The following CYB5R4 variants were observed in gnomAD, a reference collection of about 807,000 sequenced individuals.
The protein encoded by CYB5R4 is cytochrome b5 reductase 4, also known as N-terminal cytochrome b5 and cytochrome b5 oxidoreductase domain-containing protein.
Under a neutral mutation model 70.2 loss-of-function variants are expected in CYB5R4, and 55 were observed. The observed-to-expected ratio is 0.78, with a 90% CI of 0.63 to 0.98. The LOEUF (loss-of-function observed/expected upper bound fraction) is 0.98. Among genes scored for constraint, CYB5R4 ranks in the 50% least tolerant of loss-of-function variants. The probability of loss-of-function intolerance (pLI) is 0.00; values close to 1 mark genes in which losing one functional copy is unlikely to be tolerated. For synonymous variants in CYB5R4, 197 were observed against 199.5 expected (o/e 0.99, Z 0.11); for missense variants, 562 against 612.6 (o/e 0.92, Z 0.87).
At position 83,864,245 on chromosome 6, in the gene CYB5R4, G is replaced by A. The variant is rs143922663; in HGVS notation, c.146G>A (p.Gly49Glu). The part of the protein sequence containing the change: ...RLTKSGKDLT[G>E]LKGRLIEVTE... The stretch of plus-strand genomic sequence containing the variant: ...ACCAAAAGTGGAAAGGATCTAACGG[G>A]ATTAAAAGGCAGGTTAATTGAAGTA... Residue 49 changes from glycine to glutamate, a missense_variant, in exon 2 of 16, where the codon GGA becomes GAA. Gly to Glu is a moderately conservative substitution (Grantham distance 98). Transcript: ENST00000369681. 4.8e-5 allele frequency: 78 copies of A among 1,613,256 alleles called. No homozygotes were observed. Among genetic ancestry groups the A allele is most frequent in the Non-Finnish European group, 4.7e-5 (55 of 1,179,636 alleles).
chr6:83,861,027 A>G (rs1277928179), intron 1 of CYB5R4, among the ~76,000 whole-genome samples: 1 of 152,178 alleles, frequency 6.6e-6, no homozygotes, highest in Admixed American at 6.5e-5. Context: ...TAGCCATCCA[A>G]TCATGTATAT....
At chr6:83,889,145 G>A (rs1045872956) in intron 2 of CYB5R4, among the ~76,000 whole-genome samples, 1 of 152,244 alleles carries the variant, frequency 6.6e-6, no homozygotes, top group Non-Finnish European at 1.5e-5. Context: ...AAAGTGCAAT[G>A]TGAAGCATCA....
intron 15 of CYB5R4, among the ~76,000 whole-genome samples, chr6:83,956,272 T>G (rs751847876): frequency 2.0e-5 from 3 of 152,158 alleles, no homozygotes; most frequent in African/African-American, 2.4e-5. Flanking sequence ...GGGGCATAGC[T>G]TGGTTTGATA....
chr6:83,901,826 G>T (rs1290735728), intron 3 of CYB5R4, among the ~76,000 whole-genome samples: 1 of 150,862 alleles, frequency 6.6e-6, no homozygotes, highest in Non-Finnish European at 1.5e-5. Flanking sequence ...TCAACTATTT[G>T]TCATCTTTTG....
chr6:83,881,048 C>G (rs996119064), intron 2 of CYB5R4, among the ~76,000 whole-genome samples: 5 of 152,154 alleles, frequency 3.3e-5, no homozygotes, highest in Non-Finnish European at 5.9e-5. Flanking sequence ...TGTAATGTCT[C>G]TCTGGTTTAT....
intron 6 of CYB5R4, 113 bp from the exon 7 acceptor site, chr6:83,919,284 C>T (rs1263246677): frequency 1.8e-6 from 1 of 570,702 alleles, no homozygotes; most frequent in African/African-American, 2.0e-5. Context: ...AAAAGCTTAA[C>T]CTAGAGAAAT....
Position 83,960,270 on chromosome 6 carries a change from T to G in CYB5R4, c.*392T>G. 1 of 161,308 alleles carries G rather than the reference T, an allele frequency of 6.2e-6. No homozygotes were observed. The highest frequency in any genetic ancestry group is 1.3e-5 in the Non-Finnish European group (1 of 74,252). 10.0% of individuals were successfully genotyped at this position (161,308 alleles called of 1,614,324 possible). ...GTCTTATTAGCAATACAGATTAAAT[T>G]TTACCTTGCACTGTTAACTCAGGAA... On this transcript the variant is annotated 3_prime_UTR_variant, in exon 16 of 16. Coordinates refer to ENST00000369681, the MANE Select transcript of CYB5R4 (RefSeq NM_016230.4).
At chr6:83,952,953 C>T (rs1256084519) in intron 14 of CYB5R4, among the ~76,000 whole-genome samples, 1 of 152,118 alleles carries the variant, frequency 6.6e-6, no homozygotes, top group Non-Finnish European at 1.5e-5. Context: ...GTAAATTGAA[C>T]AGTATACCTG....
chr6:83,864,087 A>G (rs2099456400), intron 1 of CYB5R4, 88 bp from the exon 2 acceptor site: 2 of 1,171,372 alleles, frequency 1.7e-6, no homozygotes, highest in Admixed American at 2.8e-5. Context: ...AAGGATTTAT[A>G]GAAGTGTTAG....
intron 10 of CYB5R4, among the ~76,000 whole-genome samples, chr6:83,930,783 GA>G (rs34692502): frequency 1.1e-3 from 157 of 140,560 alleles, no homozygotes; most frequent in South Asian, 1.4e-3. Context: ...CTTACTATGT[GA>G]AAAAAAAAAA....
chr6:83,952,728 G>A (rs1562847527), intron 14 of CYB5R4, among the ~76,000 whole-genome samples: 1 of 152,110 alleles, frequency 6.6e-6, no homozygotes, highest in Non-Finnish European at 1.5e-5. Context: ...CTAAAATCAG[G>A]TGCTGAAAGA....
intron 15 of CYB5R4, among the ~76,000 whole-genome samples, chr6:83,958,328 A>G (rs1345688051): frequency 1.3e-5 from 2 of 152,204 alleles, no homozygotes. Flanking sequence ...TATGACTCAG[A>G]ACACCACAAA....
intron 4 of CYB5R4, among the ~76,000 whole-genome samples, chr6:83,913,275 C>G (rs1235436785): frequency 2.0e-5 from 3 of 152,170 alleles, no homozygotes; most frequent in African/African-American, 7.2e-5. Context: ...ATAAACAAAG[C>G]TCATTTTGAA....
chr6:83,956,369 A>ACCAG (rs2099472427), intron 15 of CYB5R4, among the ~76,000 whole-genome samples: 2 of 152,138 alleles, frequency 1.3e-5, no homozygotes, highest in South Asian at 2.1e-4. Context: ...TCAAAGCTGG[A>ACCAG]TTGGGGGGGG....
At chr6:83,952,201 A>G (rs1005204537) in intron 14 of CYB5R4, among the ~76,000 whole-genome samples, 3 of 152,296 alleles carry the variant, frequency 2.0e-5, no homozygotes, top group Non-Finnish European at 4.4e-5. Context: ...ATGCACCAAT[A>G]GAAGATAGAA....
chr6:83,896,417 G>A (rs1434923991), intron 3 of CYB5R4, among the ~76,000 whole-genome samples: 1 of 152,052 alleles, frequency 6.6e-6, no homozygotes, highest in Admixed American at 6.6e-5. Flanking sequence ...TTCCCAACAT[G>A]CATCTTGCTT....
At chr6:83,892,862 G>C (rs571455213) in intron 2 of CYB5R4, among the ~76,000 whole-genome samples, 22 of 152,016 alleles carry the variant, frequency 1.4e-4, no homozygotes, top group African/African-American at 3.9e-4. Context: ...CTCTCTCTCT[G>C]TGTGCGTGTG....
chr6:83,871,120 G>A, intron 2 of CYB5R4, among the ~76,000 whole-genome samples: 1 of 151,878 alleles, frequency 6.6e-6, no homozygotes, highest in Non-Finnish European at 1.5e-5. Flanking sequence ...GGGATTATAG[G>A]CGCCTGCAGC....
chr6:83,868,226 A>G (rs975633448), intron 2 of CYB5R4, among the ~76,000 whole-genome samples: 1 of 151,846 alleles, frequency 6.6e-6, no homozygotes, highest in Non-Finnish European at 1.5e-5. Context: ...CAATTGCCCC[A>G]TTTTTAGATT....
Sources: gnomAD v4.1 joint callset for allele counts (sites outside exome capture counted in the v4.1 genomes callset) on GRCh38, gnomAD v4.1.1 for gene constraint, MANE v1.5 for transcripts, NCBI Gene and HGNC (gene_info 2026-07-23, HGNC 2026-07-21) for gene names.